The following SLC22A8 variants were observed in gnomAD, a reference collection of about 807,000 sequenced individuals.
SLC22A8 encodes organic anion transporter 3.
A neutral mutation model predicts 48.4 loss-of-function variants in SLC22A8; 40 were observed. The observed-to-expected ratio is 0.83, with a 90% CI of 0.64 to 1.08. The LOEUF (loss-of-function observed/expected upper bound fraction) is 1.08. Ranked by LOEUF, SLC22A8 falls within the 50% of genes least tolerant of loss-of-function variation. SLC22A8 has a pLI of 0.00. For synonymous variants in SLC22A8, 268 were observed against 286.3 expected, an observed-to-expected ratio of 0.94 and a Z score of 0.65; for missense variants, 606 against 699.0, an observed-to-expected ratio of 0.87 and a Z score of 1.50.
chr11:63,012,203 T>C (rs2086627087), intron 2 of SLC22A8, among the ~76,000 whole-genome samples: 1 of 152,156 alleles, frequency 6.6e-6, no homozygotes, highest in Non-Finnish European at 1.5e-5. Flanking sequence ...TTGGCCAGGC[T>C]GGTCTCAAAC....
Position 63,005,886 on chromosome 11 carries a change from T to C in SLC22A8, c.334-5063A>G, listed in dbSNP as rs192195289. Among the ~76,000 whole-genome samples, 249 of 152,280 alleles carry C rather than the reference T, an allele frequency of 1.6e-3. 2 individuals are homozygous for C. The highest frequency in any genetic ancestry group is 2.5e-3 in the Non-Finnish European group (167 of 68,000). On this transcript the variant is annotated intron_variant, in intron 2 of 10. Transcript: ENST00000336232. ...CCACCCAATTTGTTGTGCTTTGTTA[T>C]GGTAGCCCTAGGAAACTAATATACG...
chr11:63,013,934 G>A (rs1198079995), intron 2 of SLC22A8, among the ~76,000 whole-genome samples: 1 of 152,164 alleles, frequency 6.6e-6, no homozygotes, highest in Non-Finnish European at 1.5e-5. Context: ...GAGGTGGCAG[G>A]TGAGAGAGTC....
chr11:63,000,096 C>A (rs748340548), intron 3 of SLC22A8, among the ~76,000 whole-genome samples: 2 of 152,194 alleles, frequency 1.3e-5, no homozygotes, highest in Non-Finnish European at 2.9e-5. Flanking sequence ...GTCAAAGGAC[C>A]GCCCATCTCT....
chr11:62,994,692 A>T lies in SLC22A8; in HGVS notation c.1066T>A (p.Tyr356Asn). ...MGVEEFGVNLYILQIIFGGVD... is the reference protein window; with the variant it reads ...MGVEEFGVNLNILQIIFGGVD... Reference sequence around the variant, plus strand: ...CCACCAAAGATGATCTGGAGGATGTAGAGGTTGACTCCAAATTCTTCCACA... The same window carrying T: ...CCACCAAAGATGATCTGGAGGATGTTGAGGTTGACTCCAAATTCTTCCACA... The change falls in exon 8 of 11, where the codon TAC (tyrosine) becomes AAC (asparagine). Residue 356 changes from tyrosine to asparagine, a missense_variant. Tyr to Asn is a moderately radical substitution (Grantham distance 143, BLOSUM62 -2). Coordinates refer to ENST00000336232, the MANE Select transcript of SLC22A8 (RefSeq NM_004254.4). The T allele has an allele frequency of 1.2e-6, 2 of 1,614,252 alleles. No individual in the cohort carries two copies. Among genetic ancestry groups the T allele is most frequent in the Non-Finnish European group, 1.7e-6 (2 of 1,180,034 alleles).
At chr11:62,997,022 C>G (rs2135120756) in intron 5 of SLC22A8, among the ~76,000 whole-genome samples, 1 of 152,306 alleles carries the variant, frequency 6.6e-6, no homozygotes, top group South Asian at 2.1e-4. Flanking sequence ...TCCTCCTGCC[C>G]TGATGGTCTT....
intron 5 of SLC22A8, among the ~76,000 whole-genome samples, chr11:62,998,665 C>A (rs1046815892): frequency 2.6e-5 from 4 of 152,236 alleles, no homozygotes; most frequent in African/African-American, 9.6e-5. Flanking sequence ...GCTCTCCCAG[C>A]CAGTCTCCAT....
chr11:62,994,588 C>A lies in SLC22A8; in HGVS notation c.1170G>T (p.Leu390=), dbSNP rs1414663001. The change falls in exon 8 of 11, where the codon CTG becomes CTT. Residue 390 remains leucine, a synonymous_variant. Transcript: ENST00000336232. ...CCAAGATGGCCCCTCCTGCCAGGAGCAGGGCAGCGGCCTGAGTGGTATGCC... is the reference window on the plus strand; with the variant it reads ...CCAAGATGGCCCCTCCTGCCAGGAGAAGGGCAGCGGCCTGAGTGGTATGCC... The part of the protein sequence containing the change: ...LGRHTTQAAA[L]LLAGGAILAL... The A allele has an allele frequency of 6.2e-7, 1 of 1,613,668 alleles. No individual in the cohort carries two copies.
rs1300541678 is a variant in SLC22A8, at chr11:63,014,895, C to G, written c.64G>C (p.Ala22Pro). Residue 22 changes from alanine (A) to proline (P), a missense_variant, in exon 2 of 11, where the codon GCC becomes CCC. By Grantham distance (27) the Ala-to-Pro change is conservative (BLOSUM62 -1). Transcript: ENST00000336232. ...SMGHFQFLHVAILGLPILNMA... is the reference protein window; with the variant it reads ...SMGHFQFLHVPILGLPILNMA... ...TTGAGGATCGGGAGGCCCAGTATGGCTACATGCAGGAACTGGAAATGGCCC... is the reference window on the plus strand; with the variant it reads ...TTGAGGATCGGGAGGCCCAGTATGGGTACATGCAGGAACTGGAAATGGCCC... 6.3e-7 allele frequency: 1 copy of G among 1,595,342 alleles called. No individual in the cohort carries two copies. Among genetic ancestry groups the G allele is most frequent in the Admixed American group, 1.7e-5 (1 of 59,048 alleles).
intron 3 of SLC22A8, among the ~76,000 whole-genome samples, chr11:63,000,203 G>A (rs561944722): frequency 6.6e-6 from 1 of 152,286 alleles, no homozygotes; most frequent in Non-Finnish European, 1.5e-5. Flanking sequence ...AAGGCTGGAG[G>A]CCAGACACGG....
intron 3 of SLC22A8, among the ~76,000 whole-genome samples, chr11:63,000,471 T>G (rs1590693394): frequency 4.1e-5 from 5 of 120,866 alleles, no homozygotes; most frequent in Admixed American, 1.0e-4. Context: ...GCAATAAGAG[T>G]GAGACTCCGT....
intron 2 of SLC22A8, among the ~76,000 whole-genome samples, chr11:63,012,387 G>A (rs1403910158): frequency 1.3e-5 from 2 of 151,936 alleles, no homozygotes; most frequent in African/African-American, 4.8e-5. Context: ...ACCTCCCAAA[G>A]TGCTGGGATT....
intron 4 of SLC22A8, chr11:62,999,455 T>C (rs894263577): frequency 2.1e-6 from 1 of 476,210 alleles, no homozygotes; most frequent in Admixed American, 3.6e-5. Context: ...TTGAATGAGA[T>C]TGTGTACCTA....
chr11:63,008,657 A>T (rs968548958), intron 2 of SLC22A8, among the ~76,000 whole-genome samples: 2 of 152,170 alleles, frequency 1.3e-5, no homozygotes, highest in Non-Finnish European at 2.9e-5. Flanking sequence ...CACTCAATTC[A>T]CAATAGCTGT....
At chr11:62,995,900 C>T (rs1177014249) in intron 6 of SLC22A8, 81 bp from the exon 7 acceptor site, 10 of 1,507,024 alleles carry the variant, frequency 6.6e-6, no homozygotes, top group Non-Finnish European at 9.2e-6. Context: ...AGGCGTGGTG[C>T]CTCTAGAGGA....
At chr11:62,999,588 T>G in intron 4 of SLC22A8, 100 bp downstream of exon 4, 2 of 1,040,302 alleles carry the variant, frequency 1.9e-6, no homozygotes, top group Non-Finnish European at 2.7e-6. Flanking sequence ...TTGACCAAGG[T>G]CACAGGGAGC....
chr11:63,002,414 A>G (rs967986685), intron 2 of SLC22A8, among the ~76,000 whole-genome samples: 4 of 152,194 alleles, frequency 2.6e-5, no homozygotes, highest in Admixed American at 2.0e-4. Context: ...GGTGAAATAA[A>G]CAATACATCA....
At chr11:63,001,016 C>T in intron 2 of SLC22A8, 193 bp from the exon 3 acceptor site, 1 of 565,292 alleles carries the variant, frequency 1.8e-6, no homozygotes, top group Non-Finnish European at 3.2e-6. Flanking sequence ...GGCCCCTGAC[C>T]TGCATCCCTC....
chr11:62,994,967 G>A, intron 7 of SLC22A8: 1 of 604,594 alleles, frequency 1.7e-6, no homozygotes, highest in South Asian at 1.9e-5. Context: ...TGTCTGACGT[G>A]GGCATGGTCC....
chr11:63,009,429 A>G (rs1039452302), intron 2 of SLC22A8, among the ~76,000 whole-genome samples: 2 of 152,102 alleles, frequency 1.3e-5, no homozygotes, highest in Admixed American at 6.5e-5. Flanking sequence ...GGGAGGCTCA[A>G]GGCCCAGAGA....
Sources: gnomAD v4.1 joint callset for allele counts (sites outside exome capture counted in the v4.1 genomes callset) on GRCh38, gnomAD v4.1.1 for gene constraint, MANE v1.5 for transcripts, NCBI Gene and HGNC (gene_info 2026-07-23, HGNC 2026-07-21) for gene names.